Variants in TUB observed in about 807,000 individuals in gnomAD.
The protein encoded by TUB is tubby protein homolog.
In TUB, 33 loss-of-function variants were observed where a neutral mutation model predicts 59.7. The observed-to-expected ratio is 0.55, with a 90% CI of 0.42 to 0.74. TUB has a LOEUF of 0.74. Among genes scored for constraint, TUB ranks in the 30% least tolerant of loss-of-function variants. TUB has a pLI of 0.00. For missense variants in TUB, 659 were observed against 672.0 expected (o/e 0.98, Z 0.21); for synonymous variants, 293 against 256.4 (o/e 1.14, Z -1.36).
At chr11:8,100,690 T>TG in intron 10 of TUB, 89 bp downstream of exon 10, 2 of 1,478,458 alleles carry the variant, frequency 1.4e-6, no homozygotes, top group Non-Finnish European at 1.9e-6. Context: ...GATGTGTGTA[T>TG]GTGGAGGGGT....
intron 1 of TUB, among the ~76,000 whole-genome samples, chr11:8,031,544 C>A (rs1455821775): frequency 1.3e-5 from 2 of 152,216 alleles, no homozygotes; most frequent in African/African-American, 2.4e-5. Context: ...CCAGGCCCAA[C>A]CCATGGGAGT....
At chr11:8,046,333 A>G (rs1018490608) in intron 2 of TUB, among the ~76,000 whole-genome samples, 6 of 152,188 alleles carry the variant, frequency 3.9e-5, no homozygotes, top group African/African-American at 9.7e-5. Flanking sequence ...ATTGTGACTG[A>G]AGGCAGAAGT....
chr11:8,096,812 TG>T lies in TUB; in HGVS notation c.687+7del. ...CTAGCAGGAAGTCCGTCAGGGTGAGTGAGTGAGTCTGCATCCACAGCAGTTT... is the reference window on the plus strand; with the variant it reads ...CTAGCAGGAAGTCCGTCAGGGTGAGTAGTGAGTCTGCATCCACAGCAGTTT... On this transcript the variant is annotated splice_region_variant and intron_variant, in intron 6 of 11. Coordinates refer to ENST00000299506, the MANE Select transcript of TUB (RefSeq NM_177972.3). 1 of 1,613,984 alleles carries T rather than the reference TG, an allele frequency of 6.2e-7. No individual in the cohort carries two copies. Among genetic ancestry groups the T allele is most frequent in the Admixed American group, 1.7e-5 (1 of 59,996 alleles).
chr11:8,067,064 A>T (rs1299938869), intron 2 of TUB, among the ~76,000 whole-genome samples: 1 of 152,094 alleles, frequency 6.6e-6, no homozygotes, highest in Non-Finnish European at 1.5e-5. Context: ...CCGGCTCCTG[A>T]TCTGCTCCCA....
intron 2 of TUB, among the ~76,000 whole-genome samples, chr11:8,064,718 T>A (rs538376089): frequency 6.6e-6 from 1 of 152,214 alleles, no homozygotes; most frequent in South Asian, 2.1e-4. Context: ...AACCCAGTGA[T>A]AGAAACTAGG....
chr11:8,058,787 T>C lies in TUB; in HGVS notation c.203+19095T>C, dbSNP rs113865334. ...AGTAATTTGTCATTGCAACCGTAGGTTGGCTACAGATAAAGAGTTAGGCGA... is the reference window on the plus strand; with the variant it reads ...AGTAATTTGTCATTGCAACCGTAGGCTGGCTACAGATAAAGAGTTAGGCGA... On this transcript the variant is annotated intron_variant, in intron 2 of 12. Coordinates refer to the TUB transcript ENST00000305253. 4.2e-3 allele frequency among the ~76,000 whole-genome samples: 640 copies of C among 152,346 alleles called. 7 individuals are homozygous for C. The highest frequency in any genetic ancestry group is 0.015 in the African/African-American group (606 of 41,574).
intron 2 of TUB, among the ~76,000 whole-genome samples, chr11:8,046,086 C>G (rs1245150753): frequency 6.6e-6 from 1 of 152,182 alleles, no homozygotes; most frequent in Non-Finnish European, 1.5e-5. Context: ...TCTCCCTCCC[C>G]TCCCTCCATC....
chr11:8,095,064 G>A (rs929188056), intron 4 of TUB, among the ~76,000 whole-genome samples: 22 of 152,246 alleles, frequency 1.4e-4, no homozygotes, highest in Admixed American at 1.4e-3. Context: ...ATGTATGTGA[G>A]TTACTGCACG....
At chr11:8,052,248 A>G (rs1942944500) in intron 2 of TUB, among the ~76,000 whole-genome samples, 1 of 152,252 alleles carries the variant, frequency 6.6e-6, no homozygotes, top group South Asian at 2.1e-4. Flanking sequence ...ATTTATGATT[A>G]GAATGGGATC....
upstream of TUB, chr11:8,038,611 T>G: frequency 8.4e-7 from 1 of 1,194,240 alleles, no homozygotes; most frequent in Non-Finnish European, 1.0e-6. Context: ...TGGGTGTCCC[T>G]GTGTGGCATG....
At chr11:8,051,726 A>T (rs912893657) in intron 2 of TUB, among the ~76,000 whole-genome samples, 1 of 152,164 alleles carries the variant, frequency 6.6e-6, no homozygotes, top group Non-Finnish European at 1.5e-5. Context: ...TGGCTTCTGG[A>T]TTTAGGAACA....
chr11:8,074,907 C>G (rs890726816), intron 2 of TUB, among the ~76,000 whole-genome samples: 2 of 151,334 alleles, frequency 1.3e-5, no homozygotes, highest in African/African-American at 4.9e-5. Flanking sequence ...CCACCACGCC[C>G]AGCTAATTTT....
intron 2 of TUB, among the ~76,000 whole-genome samples, chr11:8,069,779 G>T (rs1564909868): frequency 6.6e-6 from 1 of 151,932 alleles, no homozygotes; most frequent in African/African-American, 2.4e-5. Context: ...ATCCCAGTCT[G>T]CCCTAATCAT....
chr11:8,098,763 A>G lies in TUB; in HGVS notation c.1004A>G (p.Asn335Ser). The G allele has an allele frequency of 6.2e-7, 1 of 1,613,690 alleles. No homozygotes were observed. Among genetic ancestry groups the G allele is most frequent in the East Asian group, 2.2e-5 (1 of 44,870 alleles). The change falls in exon 9 of 12, where the codon AAC (asparagine) becomes AGC (serine). Residue 335 changes from asparagine to serine, a missense_variant. By Grantham distance (46) the Asn-to-Ser change is conservative. Transcript: ENST00000299506. ...TGATTGTGCCTTTATTTCAGGTCCA[A>G]CTTGATGGGCACCAAGTTCACTGTT... Reference protein sequence around the residue: ...GDSYIGKLRSNLMGTKFTVYD... With the variant: ...GDSYIGKLRSSLMGTKFTVYD...
rs143893832 is a variant in TUB, at chr11:8,023,214, C to G, written c.56+3856C>G. ...CAGAAGCTGCAGGGTCTCTTGAGGC[C>G]TAGGTTTAGAACTTGCACATCACTC... is the stretch of plus-strand genomic sequence containing the variant. On this transcript the variant is annotated intron_variant, in intron 1 of 11. Transcript: ENST00000534099. Among the ~76,000 whole-genome samples, 396 of 152,282 alleles carry G rather than the reference C, an allele frequency of 2.6e-3. 1 individual carries two copies. Among genetic ancestry groups the G allele is most frequent in the African/African-American group, 9.0e-3 (373 of 41,556 alleles).
chr11:8,104,682 G>C lies in TUB; in HGVS notation c.*3063G>C, dbSNP rs1289008522. On this transcript the variant is annotated 3_prime_UTR_variant, in exon 12 of 12. Coordinates refer to ENST00000299506, the MANE Select transcript of TUB (RefSeq NM_177972.3). ...ATCCAAGAATGTTGTTAGCTTTTCAGTTCCCGCTCTGCATTGCCTGAAAAA... is the reference window on the plus strand; with the variant it reads ...ATCCAAGAATGTTGTTAGCTTTTCACTTCCCGCTCTGCATTGCCTGAAAAA... 6.6e-6 allele frequency: 1 copy of C among 152,120 alleles called. No individual in the cohort carries two copies. Among genetic ancestry groups the C allele is most frequent in the East Asian group, 1.9e-4 (1 of 5,202 alleles). 9.4% of individuals were successfully genotyped at this position (152,120 alleles called of 1,614,324 possible).
intron 1 of TUB, among the ~76,000 whole-genome samples, chr11:8,023,468 C>A (rs939068869): frequency 1.5e-4 from 23 of 152,242 alleles, no homozygotes; most frequent in Admixed American, 1.3e-4. Flanking sequence ...CTATTCCATT[C>A]TATTCTCAGG....
At chr11:8,068,518 A>G (rs1943292932) in intron 2 of TUB, 1 of 152,312 alleles carries the variant, frequency 6.6e-6, no homozygotes, top group Non-Finnish European at 1.5e-5. Context: ...AACCTCTCCA[A>G]GACCCTTCTT....
chr11:8,095,373 C>G (rs3752898), intron 4 of TUB, 125 bp from the exon 5 acceptor site: 815,443 of 988,636 alleles, frequency 0.82, 340,613 homozygotes, highest in East Asian at 0.87. Flanking sequence ...ATAAAAATCA[C>G]TTTTGCAAAT....
Sources: gnomAD v4.1 joint callset for allele counts (sites outside exome capture counted in the v4.1 genomes callset) on GRCh38, gnomAD v4.1.1 for gene constraint, MANE v1.5 for transcripts, NCBI Gene and HGNC (gene_info 2026-07-23, HGNC 2026-07-21) for gene names.